MBNL2: variants seen among roughly 807,000 people sequenced by gnomAD.
The protein encoded by MBNL2 is muscleblind like splicing regulator 2, also known as muscleblind-like protein 2.
Under a neutral mutation model 41.9 loss-of-function variants are expected in MBNL2, and 17 were observed. That is an observed-to-expected ratio of 0.41 (90% CI 0.28 to 0.61). The LOEUF is 0.61. MBNL2 is among the 20% of genes least tolerant of loss of function. MBNL2 has a pLI of 0.35. For synonymous variants in MBNL2, 195 were observed against 182.9 expected (o/e 1.07, Z -0.53); for missense variants, 336 against 505.6 (o/e 0.66, Z 3.22).
chr13:97,217,731 GA>G (rs1294544408), upstream of MBNL2, among the ~76,000 whole-genome samples: 1 of 152,108 alleles, frequency 6.6e-6, no homozygotes, highest in African/African-American at 2.4e-5. Context: ...AGATAATGAG[GA>G]GACATGGAGT....
At chr13:97,384,658 A>G (rs557779482) in intron 8 of MBNL2, among the ~76,000 whole-genome samples, 1 of 152,372 alleles carries the variant, frequency 6.6e-6, no homozygotes, top group Middle Eastern at 3.4e-3. Flanking sequence ...TGGGAGGGTG[A>G]GCAACGTGCG....
At chr13:97,230,721 T>C (rs2042262129) in intron 1 of MBNL2, among the ~76,000 whole-genome samples, 1 of 152,222 alleles carries the variant, frequency 6.6e-6, no homozygotes, top group African/African-American at 2.4e-5. Flanking sequence ...CATAGCCTAA[T>C]CTCCAGGATT....
chr13:97,274,064 A>G (rs1287626451), intron 1 of MBNL2, among the ~76,000 whole-genome samples: 3 of 152,158 alleles, frequency 2.0e-5, no homozygotes, highest in Non-Finnish European at 4.4e-5. Flanking sequence ...TCCGTCTCAA[A>G]AAAAAGAAAA....
chr13:97,346,753 C>T lies in MBNL2; in HGVS notation c.541-51C>T. 6.4e-7 allele frequency: 1 copy of T among 1,559,314 alleles called. No individual in the cohort carries two copies. ...CCCGCGGTGGCCGGGGCCGCAGGGG[C>T]GCCTGGGCTCAGGCTTGCCTCTGCA... is the stretch of plus-strand genomic sequence containing the variant. On this transcript the variant is annotated intron_variant, in intron 4 of 8. Coordinates refer to ENST00000679496, the MANE Select transcript of MBNL2 (RefSeq NM_001382683.1). This position sits in a 1 kb window ranked among gnomAD's most constrained non-coding sequence, Gnocchi z 4.2.
chr13:97,294,626 A>G (rs1002491485), intron 2 of MBNL2, among the ~76,000 whole-genome samples: 1 of 152,210 alleles, frequency 6.6e-6, no homozygotes, highest in South Asian at 2.1e-4. Context: ...AGTGTTCTGT[A>G]TCTTTAGAAG....
intron 1 of MBNL2, among the ~76,000 whole-genome samples, chr13:97,225,610 G>A (rs1048623268): frequency 6.6e-6 from 1 of 151,996 alleles, no homozygotes; most frequent in South Asian, 2.1e-4. Context: ...GAGATAAAGG[G>A]GGTTATAAAA....
chr13:97,194,754 A>G, the MBNL2 span, among the ~76,000 whole-genome samples: 1 of 152,218 alleles, frequency 6.6e-6, no homozygotes, highest in Non-Finnish European at 1.5e-5. Context: ...TTCACTGCTT[A>G]TTATATGCTA....
At chr13:97,386,837 T>A (rs1479018445) in intron 8 of MBNL2, among the ~76,000 whole-genome samples, 1 of 152,148 alleles carries the variant, frequency 6.6e-6, no homozygotes, top group Non-Finnish European at 1.5e-5. Flanking sequence ...TAATGTGATT[T>A]CCTTTCCTTA....
At chr13:97,263,172 G>A (rs1156809733) in intron 1 of MBNL2, among the ~76,000 whole-genome samples, 2 of 152,106 alleles carry the variant, frequency 1.3e-5, no homozygotes, top group Non-Finnish European at 2.9e-5. Context: ...ATTGACCTCA[G>A]CAGTAACACC....
intron 1 of MBNL2, among the ~76,000 whole-genome samples, chr13:97,251,067 G>T (rs1450965417): frequency 6.6e-6 from 1 of 151,600 alleles, no homozygotes; most frequent in Non-Finnish European, 1.5e-5. Context: ...TGCAGCTACT[G>T]GGCAGAACTT....
chr13:97,333,733 A>G (rs144046885), intron 2 of MBNL2, among the ~76,000 whole-genome samples: 5 of 152,258 alleles, frequency 3.3e-5, no homozygotes, highest in Admixed American at 1.3e-4. Context: ...TTGTTACATA[A>G]TTATTCATAT....
the MBNL2 span, among the ~76,000 whole-genome samples, chr13:97,144,308 C>T: frequency 2.0e-5 from 3 of 152,182 alleles, no homozygotes; most frequent in African/African-American, 7.2e-5. Context: ...GGCCAGATAC[C>T]CGTAGGATCC....
At chr13:97,337,018 A>C (rs1311958711) in intron 3 of MBNL2, among the ~76,000 whole-genome samples, 2 of 151,830 alleles carry the variant, frequency 1.3e-5, no homozygotes, top group African/African-American at 2.4e-5. Flanking sequence ...TTTTGCCTTT[A>C]TTGTTGCTGT....
Position 97,366,385 on chromosome 13 carries a change from T to C in MBNL2, c.1048+1214T>C. ...TGGCTTGCTGCTCTGATATTCACCA[T>C]GCCAAAATACCACTTCTATTACCAT... On this transcript the variant is annotated intron_variant, in intron 8 of 8. Coordinates refer to ENST00000679496, the MANE Select transcript of MBNL2 (RefSeq NM_001382683.1). This position sits in a 1 kb window ranked among gnomAD's most constrained non-coding sequence, Gnocchi z 4.7. 1 of 745,446 alleles carries C rather than the reference T, an allele frequency of 1.3e-6. No homozygotes were observed. Among genetic ancestry groups the C allele is most frequent in the Non-Finnish European group, 2.4e-6 (1 of 420,938 alleles). 46.2% of individuals were successfully genotyped at this position (745,446 alleles called of 1,614,324 possible).
intron 1 of MBNL2, among the ~76,000 whole-genome samples, chr13:97,259,387 C>T (rs1252511148): frequency 6.6e-6 from 1 of 152,220 alleles, no homozygotes; most frequent in East Asian, 1.9e-4. Context: ...TCTACCTCCC[C>T]AGTCCTCTTC....
At chr13:97,194,946 A>T in the MBNL2 span, among the ~76,000 whole-genome samples, 3 of 152,224 alleles carry the variant, frequency 2.0e-5, no homozygotes, top group African/African-American at 7.2e-5. Flanking sequence ...TTAGCATATC[A>T]TCAAAAAGTA....
chr13:97,222,449 C>T lies in MBNL2; in HGVS notation c.-687C>T. 2 of 398,616 alleles carry T rather than the reference C, an allele frequency of 5.0e-6. No homozygotes were observed. The highest frequency in any genetic ancestry group is 3.6e-5 in the East Asian group (1 of 28,078). The allele number at this position is 398,616 out of a possible 1,614,324, so 24.7% of individuals were successfully genotyped here. A position where few individuals can be genotyped will look rare whatever the true frequency, so the allele number is the denominator to read the frequency against. ...ACATGGAAGTTTCTTTCTCATGATG[C>T]GGTGGAGAAGCCTCGGCCACTTGGT... On this transcript the variant is annotated 5_prime_UTR_variant, in exon 1 of 9. Transcript: ENST00000679496.
At chr13:97,233,677 T>G (rs1429407114) in intron 1 of MBNL2, among the ~76,000 whole-genome samples, 1 of 151,762 alleles carries the variant, frequency 6.6e-6, no homozygotes, top group Non-Finnish European at 1.5e-5. Context: ...TTTCCCTGTT[T>G]TTTTTTTTTT....
At chr13:97,209,762 A>C in the MBNL2 span, among the ~76,000 whole-genome samples, 1 of 152,148 alleles carries the variant, frequency 6.6e-6, no homozygotes, top group South Asian at 2.1e-4. Context: ...AATATTAAAA[A>C]GTTCTTTAAA....
Sources: gnomAD v4.1 joint callset for allele counts (sites outside exome capture counted in the v4.1 genomes callset) on GRCh38, gnomAD v4.1.1 for gene constraint, Gnocchi (gnomAD v3.1) non-coding constraint, MANE v1.5 for transcripts, NCBI Gene and HGNC (gene_info 2026-07-23, HGNC 2026-07-21) for gene names.